The following PDE10A variants were observed in gnomAD, a reference collection of about 807,000 sequenced individuals.
PDE10A encodes the protein cAMP and cAMP-inhibited cGMP 3',5'-cyclic phosphodiesterase 10A.
Under a neutral mutation model 97.7 loss-of-function variants are expected in PDE10A, and 39 were observed. The ratio of observed to expected loss-of-function variants is 0.40; its 90% CI spans 0.31 to 0.52. The LOEUF is 0.52. PDE10A is among the 20% of genes least tolerant of loss of function. The pLI is 0.56. For missense variants in PDE10A, 731 were observed against 1,047.8 expected (o/e 0.70, Z 4.17); for synonymous variants, 371 against 376.8 (o/e 0.98, Z 0.18).
intron 1 of PDE10A, among the ~76,000 whole-genome samples, chr6:165,846,552 C>T (rs1214082567): frequency 6.6e-6 from 1 of 152,242 alleles, no homozygotes; most frequent in Admixed American, 6.5e-5. Flanking sequence ...TGCATCCCCT[C>T]AGCCCTTCCC....
chr6:165,353,992 T>G (rs1166000798), intron 18 of PDE10A, among the ~76,000 whole-genome samples: 1 of 152,210 alleles, frequency 6.6e-6, no homozygotes, highest in Non-Finnish European at 1.5e-5. Context: ...AGAGGAACTC[T>G]GTACTTTCTA....
intron 1 of PDE10A, among the ~76,000 whole-genome samples, chr6:165,943,061 A>G (rs1425717052): frequency 2.0e-5 from 3 of 150,966 alleles, no homozygotes; most frequent in African/African-American, 7.3e-5. Flanking sequence ...TGTATTAGTC[A>G]GGGTGCTCCA....
At chr6:165,798,516 T>G (rs967934208) in intron 1 of PDE10A, among the ~76,000 whole-genome samples, 1 of 152,116 alleles carries the variant, frequency 6.6e-6, no homozygotes, top group African/African-American at 2.4e-5. Flanking sequence ...CCTGCAACCA[T>G]TGTCCAAAGT....
intron 1 of PDE10A, among the ~76,000 whole-genome samples, chr6:165,891,477 C>T (rs1781793627): frequency 6.6e-6 from 1 of 152,116 alleles, no homozygotes; most frequent in African/African-American, 2.4e-5. Context: ...AGAACCAGCC[C>T]CTCAGCGTCC....
chr6:165,361,465 C>T (rs920110146), intron 18 of PDE10A, among the ~76,000 whole-genome samples: 2 of 152,172 alleles, frequency 1.3e-5, no homozygotes, highest in Non-Finnish European at 2.9e-5. Flanking sequence ...AATTGTGTCC[C>T]TCAAAGAGAT....
chr6:165,649,201 G>GT (rs1789555900), intron 1 of PDE10A, among the ~76,000 whole-genome samples: 2 of 152,142 alleles, frequency 1.3e-5, no homozygotes, highest in Admixed American at 1.3e-4. Context: ...TCAGGAAAGG[G>GT]TTCTCATAAA....
chr6:165,375,203 A>G (rs1222453210), intron 18 of PDE10A, among the ~76,000 whole-genome samples: 2 of 152,238 alleles, frequency 1.3e-5, no homozygotes, highest in African/African-American at 4.8e-5. Flanking sequence ...AGAAGTGACT[A>G]AACTTAGGAA....
At chr6:165,502,884 G>A (rs895094291) in intron 2 of PDE10A, among the ~76,000 whole-genome samples, 4 of 152,178 alleles carry the variant, frequency 2.6e-5, no homozygotes, top group Non-Finnish European at 5.9e-5. Flanking sequence ...GAGGTATATA[G>A]GGACTTTCTG....
intron 1 of PDE10A, among the ~76,000 whole-genome samples, chr6:165,815,872 A>T (rs551846753): frequency 9.2e-5 from 14 of 152,046 alleles, no homozygotes; most frequent in Non-Finnish European, 4.4e-5. Flanking sequence ...GGTTCAGGAA[A>T]ACCTGAGTCC....
intron 15 of PDE10A, among the ~76,000 whole-genome samples, chr6:165,394,449 T>G (rs148977272): frequency 3.5e-3 from 537 of 152,308 alleles, no homozygotes; most frequent in South Asian, 0.012. Context: ...TGCCACATTT[T>G]CTTTATCCAG....
At chr6:165,793,801 T>C (rs1464267861) in intron 1 of PDE10A, among the ~76,000 whole-genome samples, 3 of 152,212 alleles carry the variant, frequency 2.0e-5, no homozygotes, top group Non-Finnish European at 2.9e-5. Context: ...TTACAAAGAT[T>C]TCTGCATCAA....
rs1782480416 is a variant in PDE10A at position 165,526,894 on chromosome 6, G to A, written c.994+16546C>T. On this transcript the variant is annotated intron_variant, in intron 2 of 21. Transcript: ENST00000539869. ...AGGAGTATATCACCTCTCCGGCTTT[G>A]TGTCACAATCTTATTCGGAGAGACC... 2.0e-5 allele frequency among the ~76,000 whole-genome samples: 3 copies of A among 152,316 alleles called. No individual in the cohort carries two copies. The East Asian group carries it at 5.8e-4, about 29-fold the overall frequency.
chr6:165,556,043 A>G (rs542909175), intron 1 of PDE10A, among the ~76,000 whole-genome samples: 3 of 152,260 alleles, frequency 2.0e-5, no homozygotes, highest in African/African-American at 7.2e-5. Context: ...TTAAGAAAAA[A>G]ATCAGGTATG....
At chr6:165,663,782 G>T (rs1790415738), upstream of PDE10A, among the ~76,000 whole-genome samples, 1 of 152,212 alleles carries the variant, frequency 6.6e-6, no homozygotes, top group Non-Finnish European at 1.5e-5. Flanking sequence ...GGCCAAAAAT[G>T]AGCAAGACTG....
chr6:165,653,343 A>G (rs1023127946), intron 1 of PDE10A, among the ~76,000 whole-genome samples: 1 of 152,220 alleles, frequency 6.6e-6, no homozygotes, highest in African/African-American at 2.4e-5. Flanking sequence ...GACAACTGTA[A>G]GCACCAGCAA....
chr6:165,855,384 T>C (rs575555894), intron 1 of PDE10A, among the ~76,000 whole-genome samples: 92 of 149,570 alleles, frequency 6.2e-4, no homozygotes, highest in African/African-American at 2.2e-3. Context: ...AGGCCGCCCA[T>C]GGTCAGGCCG....
chr6:165,397,149 T>C lies in PDE10A; in HGVS notation c.2077-690A>G, dbSNP rs570300316. On this transcript the variant is annotated intron_variant, in intron 13 of 21. Transcript: ENST00000539869. ...CTGTTAAGTTGAAATCTTGTGTATCTGTATCTGTGTGCAAATGTTTTACAA... is the reference window on the plus strand; with the variant it reads ...CTGTTAAGTTGAAATCTTGTGTATCCGTATCTGTGTGCAAATGTTTTACAA... 5.3e-5 allele frequency among the ~76,000 whole-genome samples: 8 copies of C among 152,320 alleles called. No homozygotes were observed. The South Asian group carries it at 1.4e-3, about 28-fold the overall frequency.
intron 1 of PDE10A, among the ~76,000 whole-genome samples, chr6:165,752,394 T>A (rs1159174593): frequency 1.3e-5 from 2 of 152,170 alleles, no homozygotes; most frequent in African/African-American, 2.4e-5. Flanking sequence ...CTCCTGAGGA[T>A]CCCGGGACCA....
At chr6:165,614,815 T>G (rs1370177055) in intron 1 of PDE10A, among the ~76,000 whole-genome samples, 1 of 149,908 alleles carries the variant, frequency 6.7e-6, no homozygotes, top group Admixed American at 6.7e-5. Flanking sequence ...CAAATAGAAG[T>G]AAGGAATGCT....
Sources: allele counts gnomAD v4.1 joint callset (sites outside exome capture counted in the v4.1 genomes callset), GRCh38; gene constraint gnomAD v4.1.1; transcripts MANE v1.5; gene names NCBI Gene and HGNC (gene_info 2026-07-23, HGNC 2026-07-21).